Variants in ERBB4 observed in about 807,000 individuals in gnomAD.
ERBB4 encodes the protein receptor tyrosine-protein kinase erbB-4.
ERBB4 carries 42 observed loss-of-function variants against 158.0 expected under a neutral mutation model. The ratio of observed to expected loss-of-function variants is 0.27; its 90% CI spans 0.21 to 0.34. ERBB4 has a LOEUF of 0.34. Ranked by LOEUF, ERBB4 falls within the 10% of genes least tolerant of loss-of-function variation. The pLI, the probability that ERBB4 is intolerant of heterozygous loss-of-function variation, is 1.00. For missense variants in ERBB4, 1,333 were observed against 1,624.1 expected, an observed-to-expected ratio of 0.82 and a Z score of 3.08; for synonymous variants, 583 against 558.7, an observed-to-expected ratio of 1.04 and a Z score of -0.61.
intron 1 of ERBB4, among the ~76,000 whole-genome samples, chr2:212,290,033 A>C (rs935663667): frequency 6.6e-6 from 1 of 152,248 alleles, no homozygotes. Context: ...AGAGCCAATA[A>C]TTTATATAGT....
intron 4 of ERBB4, among the ~76,000 whole-genome samples, chr2:211,753,854 A>ATTTTTTTTTTTTTTT (rs1047804300): frequency 8.2e-6 from 1 of 121,308 alleles, no homozygotes; most frequent in Non-Finnish European, 1.7e-5. Flanking sequence ...AAAAGTCCTG[A>ATTTTTTTTTTTTTTT]TTTTTTTTTT....
intron 20 of ERBB4, among the ~76,000 whole-genome samples, chr2:211,527,328 C>T (rs186427821): frequency 2.6e-5 from 4 of 151,914 alleles, no homozygotes; most frequent in African/African-American, 9.7e-5. Context: ...CAACTTTTAG[C>T]CTAGAATAGT....
At chr2:212,069,365 CCAA>C (rs758591611) in intron 2 of ERBB4, among the ~76,000 whole-genome samples, 226 of 151,974 alleles carry the variant, frequency 1.5e-3, no homozygotes, top group Non-Finnish European at 2.9e-3. Context: ...TAAGAAAAAT[CCAA>C]CATCATTATA....
intron 19 of ERBB4, among the ~76,000 whole-genome samples, chr2:211,583,009 TTAATA>T (rs1257303113): frequency 6.6e-6 from 1 of 152,118 alleles, no homozygotes; most frequent in Non-Finnish European, 1.5e-5. Context: ...TTTTGCATGT[TTAATA>T]TATTTTCTTT....
At chr2:211,954,763 C>G (rs984383609) in intron 2 of ERBB4, among the ~76,000 whole-genome samples, 1 of 152,048 alleles carries the variant, frequency 6.6e-6, no homozygotes, top group Non-Finnish European at 1.5e-5. Flanking sequence ...ATCAGTAAAG[C>G]TTTCCATTAA....
At chr2:212,421,925 C>T (rs1428511319) in intron 1 of ERBB4, among the ~76,000 whole-genome samples, 1 of 152,134 alleles carries the variant, frequency 6.6e-6, no homozygotes, top group Non-Finnish European at 1.5e-5. Flanking sequence ...ATATTATCTA[C>T]ACAACTCTAA....
At chr2:211,996,687 G>A (rs1481094773) in intron 2 of ERBB4, among the ~76,000 whole-genome samples, 1 of 152,052 alleles carries the variant, frequency 6.6e-6, no homozygotes, top group Non-Finnish European at 1.5e-5. Flanking sequence ...TCAGGCCTTC[G>A]GTTTGTTCCC....
At chr2:212,015,746 C>G (rs16847491) in intron 2 of ERBB4, among the ~76,000 whole-genome samples, 13,949 of 152,144 alleles carry the variant, frequency 0.092, 1,285 homozygotes, top group African/African-American at 0.24. Context: ...CTCACTTCAG[C>G]TCTCTCCATT....
chr2:212,140,576 C>T (rs1313846997), intron 1 of ERBB4, among the ~76,000 whole-genome samples: 1 of 149,414 alleles, frequency 6.7e-6, no homozygotes, highest in African/African-American at 2.5e-5. Context: ...TATAATATGC[C>T]ATTTCTTTAT....
intron 2 of ERBB4, among the ~76,000 whole-genome samples, chr2:212,086,898 G>A (rs970011666): frequency 1.3e-5 from 2 of 151,838 alleles, no homozygotes; most frequent in Non-Finnish European, 2.9e-5. Context: ...TCCAAGCACC[G>A]AACAAACTGT....
chr2:212,041,731 T>C (rs1231699691), intron 2 of ERBB4, among the ~76,000 whole-genome samples: 1 of 152,062 alleles, frequency 6.6e-6, no homozygotes, highest in Non-Finnish European at 1.5e-5. Flanking sequence ...CTGCAAAAGC[T>C]CAAAGACGTC....
At chr2:212,398,371 A>C (rs553444674) in intron 1 of ERBB4, among the ~76,000 whole-genome samples, 2 of 152,094 alleles carry the variant, frequency 1.3e-5, no homozygotes, top group South Asian at 4.1e-4. Flanking sequence ...CTTGAACCAA[A>C]TATCCAACAT....
chr2:211,646,362 G>A (rs898359187), intron 16 of ERBB4, among the ~76,000 whole-genome samples: 1 of 151,414 alleles, frequency 6.6e-6, no homozygotes, highest in African/African-American at 2.4e-5. Flanking sequence ...ATGATGAGCT[G>A]GTGAGCTTTA....
rs564673423 is a variant in ERBB4 at position 212,352,339 on chromosome 2, C to A, written c.82+186110G>T. 8.6e-3 allele frequency among the ~76,000 whole-genome samples: 1,096 copies of A among 126,910 alleles called. 10 individuals are homozygous for A. The highest frequency in any genetic ancestry group is 0.012 in the Middle Eastern group (3 of 246). 83.3% of individuals were successfully genotyped at this position (126,910 alleles called of 152,430 possible). On this transcript the variant is annotated intron_variant, in intron 1 of 27. Transcript: ENST00000342788. ...AAAATAAAAGTTAAAAAAAAAAAAA[C>A]ACTTTATTTTAGATTGAAAAAAACA...
At chr2:211,592,400 T>C (rs1182131447) in intron 19 of ERBB4, among the ~76,000 whole-genome samples, 2 of 152,034 alleles carry the variant, frequency 1.3e-5, no homozygotes, top group Non-Finnish European at 2.9e-5. Flanking sequence ...GAAACAAGGC[T>C]AGGTGATTAA....
chr2:212,155,428 CT>C (rs1215803692), intron 1 of ERBB4, among the ~76,000 whole-genome samples: 1 of 151,962 alleles, frequency 6.6e-6, no homozygotes, highest in African/African-American at 2.4e-5. Flanking sequence ...AAAGATGATT[CT>C]AGAACAAGAT....
Position 211,475,747 on chromosome 2 carries a change from A to G in ERBB4, c.2488-44647T>C, listed in dbSNP as rs555578719. Among the ~76,000 whole-genome samples the G allele has an allele frequency of 4.6e-5, 7 of 152,188 alleles. No homozygotes were observed. In the East Asian group the frequency reaches 1.4e-3, roughly 29 times the overall value. On this transcript the variant is annotated intron_variant, in intron 20 of 27. Transcript: ENST00000342788. ...TTTCTGTTAACAGCTTATATTCTGA[A>G]AATCAATCATCTGAAAAGGATGAAG...
intron 3 of ERBB4, among the ~76,000 whole-genome samples, chr2:211,812,106 G>A (rs372915839): frequency 3.1e-4 from 47 of 152,252 alleles, no homozygotes; most frequent in East Asian, 1.7e-3. Context: ...GAGAAGACGC[G>A]CTCTGCTTTT....
At chr2:211,438,443 A>AT (rs2063903454) in intron 20 of ERBB4, among the ~76,000 whole-genome samples, 1 of 152,214 alleles carries the variant, frequency 6.6e-6, no homozygotes, top group African/African-American at 2.4e-5. Context: ...TGGTCAATTT[A>AT]TACAACATTT....
Sources: gnomAD v4.1 joint callset for allele counts (sites outside exome capture counted in the v4.1 genomes callset) on GRCh38, gnomAD v4.1.1 for gene constraint, MANE v1.5 for transcripts, NCBI Gene and HGNC (gene_info 2026-07-23, HGNC 2026-07-21) for gene names.